The following SOX6 variants were observed in gnomAD, a reference collection of about 807,000 sequenced individuals.
SOX6 encodes SRY-box transcription factor 6, also known as transcription factor SOX-6.
SOX6 carries 11 observed loss-of-function variants against 97.8 expected under a neutral mutation model. The ratio of observed to expected loss-of-function variants is 0.11; its 90% CI spans 0.07 to 0.19. The LOEUF (loss-of-function observed/expected upper bound fraction) is 0.19, where lower values mean the gene tolerates loss of function less well. Among genes scored for constraint, SOX6 ranks in the 10% least tolerant of loss-of-function variants. SOX6 has a pLI of 1.00. For synonymous variants in SOX6, 360 were observed against 371.4 expected (o/e 0.97, Z 0.35); for missense variants, 810 against 1,039.5 (o/e 0.78, Z 3.04).
intron 4 of SOX6, among the ~76,000 whole-genome samples, chr11:16,215,084 G>C (rs1852336221): frequency 6.6e-6 from 1 of 152,044 alleles, no homozygotes; most frequent in Admixed American, 6.6e-5. Flanking sequence ...AAGATAATTT[G>C]ATGACTTAAT....
At chr11:16,386,760 C>A (rs749744449) in intron 1 of SOX6, among the ~76,000 whole-genome samples, 2 of 152,028 alleles carry the variant, frequency 1.3e-5, no homozygotes, top group Admixed American at 6.6e-5. Context: ...GATCCCAAAC[C>A]GAATTAGGTC....
intron 6 of SOX6, among the ~76,000 whole-genome samples, chr11:16,126,535 G>T (rs1029918603): frequency 2.6e-5 from 4 of 152,082 alleles, no homozygotes; most frequent in Admixed American, 1.3e-4. Flanking sequence ...ACAGGTAGGA[G>T]ATTAAATCTA....
At chr11:16,034,845 G>T (rs1337731649) in intron 12 of SOX6, among the ~76,000 whole-genome samples, 3 of 152,056 alleles carry the variant, frequency 2.0e-5, no homozygotes, top group African/African-American at 7.2e-5. Flanking sequence ...GCAGAGAGGT[G>T]CACACTGAGA....
chr11:16,340,875 T>A, intron 2 of SOX6, 137 bp downstream of exon 2: 1 of 1,209,646 alleles, frequency 8.3e-7, no homozygotes, highest in South Asian at 1.4e-5. Context: ...AGTATCTTAG[T>A]AATATGTACC....
intron 4 of SOX6, among the ~76,000 whole-genome samples, chr11:16,497,139 C>G (rs985584809): frequency 6.6e-6 from 1 of 152,160 alleles, no homozygotes; most frequent in African/African-American, 2.4e-5. Flanking sequence ...AACGATCAGG[C>G]AGCAACATTT....
At chr11:16,516,706 A>C (rs1457609472) in intron 4 of SOX6, among the ~76,000 whole-genome samples, 2 of 148,762 alleles carry the variant, frequency 1.3e-5, no homozygotes, top group Non-Finnish European at 3.0e-5. Flanking sequence ...AACCAAAAAG[A>C]GTCCAGGACC....
intron 2 of SOX6, among the ~76,000 whole-genome samples, chr11:16,328,364 T>C (rs993836545): frequency 2.0e-5 from 3 of 152,188 alleles, no homozygotes; most frequent in Non-Finnish European, 4.4e-5. Context: ...CTACAATTTA[T>C]GTAAAGAAGT....
intron 1 of SOX6, chr11:16,402,826 A>C: frequency 6.4e-7 from 1 of 1,554,866 alleles, no homozygotes. Context: ...GCTCACCATG[A>C]CCTTTCATCT....
intron 12 of SOX6, among the ~76,000 whole-genome samples, chr11:16,040,041 A>C (rs1043160919): frequency 2.0e-5 from 3 of 152,034 alleles, no homozygotes; most frequent in Admixed American, 6.6e-5. Flanking sequence ...AGTTTGCTCC[A>C]TACATAACAA....
intron 1 of SOX6, among the ~76,000 whole-genome samples, chr11:16,352,767 T>A (rs983046582): frequency 6.6e-6 from 1 of 152,100 alleles, no homozygotes; most frequent in Non-Finnish European, 1.5e-5. Flanking sequence ...GGATTTGCTA[T>A]CTTTTTCTTT....
chr11:16,540,348 A>T (rs1036720335), intron 4 of SOX6, among the ~76,000 whole-genome samples: 2 of 152,114 alleles, frequency 1.3e-5, no homozygotes, highest in Admixed American at 1.3e-4. Flanking sequence ...TCTATGACAA[A>T]CCCACAGCCA....
chr11:15,980,740 C>T (rs1853630129), intron 15 of SOX6, among the ~76,000 whole-genome samples: 1 of 152,050 alleles, frequency 6.6e-6, no homozygotes, highest in South Asian at 2.1e-4. Flanking sequence ...CAAGTCCCTT[C>T]CTCAAGAATG....
chr11:15,981,068 A>G (rs978440489), intron 15 of SOX6, among the ~76,000 whole-genome samples: 1 of 152,090 alleles, frequency 6.6e-6, no homozygotes, highest in East Asian at 1.9e-4. Context: ...CAATGAACAA[A>G]ATAAGAAATC....
chr11:16,281,898 C>T (rs895540241), intron 3 of SOX6, among the ~76,000 whole-genome samples: 7 of 149,920 alleles, frequency 4.7e-5, no homozygotes, highest in Non-Finnish European at 1.0e-4. Context: ...CAAATATAAA[C>T]GTTAACATAA....
At position 16,302,566 on chromosome 11, in the gene SOX6, C is replaced by CTTTTTTT. The variant is rs71044096; in HGVS notation, c.445+15873_445+15879dup. 1.5e-3 allele frequency among the ~76,000 whole-genome samples: 133 copies of CTTTTTTT among 86,992 alleles called. 2 individuals are homozygous for CTTTTTTT. The highest frequency in any genetic ancestry group is 1.9e-3 in the Non-Finnish European group (90 of 47,298). 57.1% of individuals were successfully genotyped at this position (86,992 alleles called of 152,430 possible). A position where few individuals can be genotyped will look rare whatever the true frequency, so the allele number is the denominator to read the frequency against. ...CTACAGCATTTTTTTTTCTTTTTTT[C>CTTTTTTT]TTTTTTTTTTTTTTTTTTTTTTGAG... On this transcript the variant is annotated intron_variant, in intron 3 of 15. Coordinates refer to ENST00000683767, the MANE Select transcript of SOX6 (RefSeq NM_001367873.1).
intron 3 of SOX6, among the ~76,000 whole-genome samples, chr11:16,302,655 C>T (rs1489831853): frequency 2.2e-5 from 3 of 135,348 alleles, no homozygotes; most frequent in Non-Finnish European, 4.6e-5. Context: ...CTGCAACCTT[C>T]GCTTGCTGGG....
intron 4 of SOX6, among the ~76,000 whole-genome samples, chr11:16,560,612 CGTACATAT>C: frequency 7.4e-6 from 1 of 135,396 alleles, no homozygotes; most frequent in South Asian, 2.2e-4. Flanking sequence ...TATGTTTATA[CGTACATAT>C]ATGTTTATAC....
intron 3 of SOX6, among the ~76,000 whole-genome samples, chr11:16,237,499 T>C (rs1342508834): frequency 6.6e-6 from 1 of 152,044 alleles, no homozygotes; most frequent in Non-Finnish European, 1.5e-5. Context: ...ACTACATTAA[T>C]GGGACATTAG....
At chr11:16,396,293 C>T (rs990842762) in intron 1 of SOX6, among the ~76,000 whole-genome samples, 1 of 151,578 alleles carries the variant, frequency 6.6e-6, no homozygotes. Context: ...CTACTCTTCC[C>T]AGTCTTAAAT....
Sources: gnomAD v4.1 joint callset for allele counts (sites outside exome capture counted in the v4.1 genomes callset) on GRCh38, gnomAD v4.1.1 for gene constraint, MANE v1.5 for transcripts, NCBI Gene and HGNC (gene_info 2026-07-23, HGNC 2026-07-21) for gene names.